Variants in MAML3 observed in about 807,000 individuals in gnomAD.
MAML3 encodes the protein mastermind like transcriptional coactivator 3, also known as mastermind-like protein 3.
MAML3 carries 27 observed loss-of-function variants against 101.9 expected under a neutral mutation model. That is an observed-to-expected ratio of 0.27 (90% confidence interval 0.20 to 0.37). MAML3 has a LOEUF of 0.37. Ranked by LOEUF, MAML3 falls within the 10% of genes least tolerant of loss-of-function variation. The probability of loss-of-function intolerance (pLI) is 1.00; values close to 1 mark genes in which losing one functional copy is unlikely to be tolerated. For missense variants in MAML3, 1,316 were observed against 1,444.9 expected (o/e 0.91, Z 1.45); for synonymous variants, 501 against 555.9 (o/e 0.90, Z 1.39).
At chr4:139,787,233 T>C (rs937046929) in intron 2 of MAML3, among the ~76,000 whole-genome samples, 4 of 152,218 alleles carry the variant, frequency 2.6e-5, no homozygotes, top group African/African-American at 9.6e-5. Context: ...AATGTTAATG[T>C]AGTTCTGTGC....
At chr4:139,956,558 C>T (rs968369960) in intron 1 of MAML3, among the ~76,000 whole-genome samples, 4 of 152,146 alleles carry the variant, frequency 2.6e-5, no homozygotes, top group African/African-American at 9.7e-5. Context: ...ATAGAGTCCC[C>T]GAATGAAAGG....
At chr4:140,141,977 T>C (rs1322809270) in intron 1 of MAML3, among the ~76,000 whole-genome samples, 1 of 152,170 alleles carries the variant, frequency 6.6e-6, no homozygotes, top group Non-Finnish European at 1.5e-5. Context: ...CAAGGATATA[T>C]GAATAAGGAT....
At chr4:139,843,929 C>T (rs1731401896) in intron 2 of MAML3, among the ~76,000 whole-genome samples, 1 of 152,174 alleles carries the variant, frequency 6.6e-6, no homozygotes. Flanking sequence ...CACAGGGCCC[C>T]TGGGAGGTGC....
At position 139,719,446 on chromosome 4, in the gene MAML3, G is replaced by A. The variant is rs923323931; in HGVS notation, c.3294C>T (p.Gly1098=). The change falls in exon 5 of 5, where the codon GGC becomes GGT. Residue 1098 remains glycine, a synonymous_variant. Coordinates refer to ENST00000509479, the MANE Select transcript of MAML3 (RefSeq NM_018717.5). ...APQDVSYNYS[G]DGAGGSFPGL... ...CAGGGAAGGAACCCCCAGCTCCGTC[G>A]CCACTGTAATTGTATGACACGTCCT... 8.1e-6 allele frequency: 13 copies of A among 1,613,826 alleles called. No individual in the cohort carries two copies. The highest frequency in any genetic ancestry group is 2.7e-5 in the African/African-American group (2 of 74,918).
At chr4:139,787,021 G>T (rs1204042106) in intron 2 of MAML3, among the ~76,000 whole-genome samples, 2 of 152,156 alleles carry the variant, frequency 1.3e-5, no homozygotes, top group Non-Finnish European at 2.9e-5. Flanking sequence ...ACAGGTGGAG[G>T]AAAAATAAAT....
intron 2 of MAML3, among the ~76,000 whole-genome samples, chr4:139,804,548 T>A (rs111589372): frequency 0.023 from 3,441 of 152,212 alleles, 139 homozygotes; most frequent in African/African-American, 0.078. Context: ...ATTACAAGTG[T>A]GAGCCACAGC....
At chr4:140,107,485 C>T (rs1160580215) in intron 1 of MAML3, among the ~76,000 whole-genome samples, 4 of 150,844 alleles carry the variant, frequency 2.7e-5, no homozygotes, top group Admixed American at 2.0e-4. Flanking sequence ...TAGGGTCTCA[C>T]AGACTATAGA....
intron 1 of MAML3, among the ~76,000 whole-genome samples, chr4:140,105,534 C>T (rs1221772049): frequency 6.6e-6 from 1 of 152,176 alleles, no homozygotes; most frequent in South Asian, 2.1e-4. Context: ...AAAGGGTCAG[C>T]CCATCCTCTG....
At chr4:140,040,306 A>T (rs1727060874) in intron 1 of MAML3, among the ~76,000 whole-genome samples, 1 of 152,246 alleles carries the variant, frequency 6.6e-6, no homozygotes, top group African/African-American at 2.4e-5. Flanking sequence ...GGAAACAAAG[A>T]AATATACCGT....
chr4:140,008,305 C>T (rs1726491577), intron 1 of MAML3, among the ~76,000 whole-genome samples: 1 of 152,138 alleles, frequency 6.6e-6, no homozygotes, highest in African/African-American at 2.4e-5. Flanking sequence ...CCAGATCGCG[C>T]CACTGCACTC....
At chr4:139,856,055 C>T (rs1172063936) in intron 2 of MAML3, among the ~76,000 whole-genome samples, 5 of 152,188 alleles carry the variant, frequency 3.3e-5, no homozygotes, top group Admixed American at 2.6e-4. Context: ...TCATTCCACA[C>T]TGCAGTGCAA....
At chr4:139,830,477 C>T (rs1379280274) in intron 2 of MAML3, among the ~76,000 whole-genome samples, 1 of 138,386 alleles carries the variant, frequency 7.2e-6, no homozygotes, top group East Asian at 2.1e-4. Flanking sequence ...TGCAGTGGTG[C>T]GATCTCGGCT....
At chr4:140,045,873 T>C (rs949255412) in intron 1 of MAML3, among the ~76,000 whole-genome samples, 1 of 152,102 alleles carries the variant, frequency 6.6e-6, no homozygotes, top group Non-Finnish European at 1.5e-5. Flanking sequence ...TTAGAGAAAA[T>C]AGAACCACTT....
At chr4:139,911,006 T>C (rs969999533) in intron 1 of MAML3, among the ~76,000 whole-genome samples, 2 of 152,204 alleles carry the variant, frequency 1.3e-5, no homozygotes, top group African/African-American at 4.8e-5. Context: ...AATCTTCATC[T>C]TGCAATACTG....
intron 1 of MAML3, among the ~76,000 whole-genome samples, chr4:140,054,569 G>A (rs562538223): frequency 2.6e-5 from 4 of 152,126 alleles, no homozygotes; most frequent in African/African-American, 9.6e-5. Flanking sequence ...GTTTTCACAC[G>A]TTTGTTGCCT....
rs879648196 is a variant in MAML3, at chr4:139,717,980, A to G, written c.*1343T>C. 2 of 152,146 alleles carry G rather than the reference A, an allele frequency of 1.3e-5. No homozygotes were observed. Among genetic ancestry groups the G allele is most frequent in the Admixed American group, 1.3e-4 (2 of 15,268 alleles). The allele number at this position is 152,146 out of a possible 1,614,324, so 9.4% of individuals were successfully genotyped here. The stretch of plus-strand genomic sequence containing the variant: ...ATGAAATAAACTACATCTCCTTTCT[A>G]TCCAAATTTGTAAGGTGGAGCAATT... On this transcript the variant is annotated 3_prime_UTR_variant, in exon 5 of 5. Transcript: ENST00000509479.
At chr4:140,119,809 T>G (rs558231179) in intron 1 of MAML3, among the ~76,000 whole-genome samples, 1 of 152,230 alleles carries the variant, frequency 6.6e-6, no homozygotes, top group South Asian at 2.1e-4. Context: ...AGACAGGATC[T>G]CTTATGTGGT....
intron 2 of MAML3, among the ~76,000 whole-genome samples, chr4:139,826,185 A>G (rs1731057614): frequency 6.6e-6 from 1 of 151,770 alleles, no homozygotes; most frequent in African/African-American, 2.4e-5. Flanking sequence ...CCTGGCATCC[A>G]TTTGAGCCAT....
intron 2 of MAML3, among the ~76,000 whole-genome samples, chr4:139,738,477 A>G (rs1729032329): frequency 6.6e-6 from 1 of 152,172 alleles, no homozygotes. Context: ...TGGGAGGCGG[A>G]GGTTGCAGTG....
Sources: gnomAD v4.1 joint callset for allele counts (sites outside exome capture counted in the v4.1 genomes callset) on GRCh38, gnomAD v4.1.1 for gene constraint, MANE v1.5 for transcripts, NCBI Gene and HGNC (gene_info 2026-07-23, HGNC 2026-07-21) for gene names.